Variants in PRKCA observed in about 807,000 individuals in gnomAD.
PRKCA encodes the protein protein kinase C alpha, also known as protein kinase C alpha type.
In PRKCA, 27 loss-of-function variants were observed where a neutral mutation model predicts 87.0. The ratio of observed to expected loss-of-function variants is 0.31; its 90% CI spans 0.23 to 0.43. The LOEUF is 0.43. PRKCA is among the 20% of genes least tolerant of loss of function. PRKCA has a pLI of 1.00. For synonymous variants in PRKCA, 329 were observed against 311.1 expected (o/e 1.06, Z -0.61); for missense variants, 518 against 852.3 (o/e 0.61, Z 4.88).
chr17:66,427,074 C>T (rs1280291190), intron 2 of PRKCA, among the ~76,000 whole-genome samples: 1 of 152,130 alleles, frequency 6.6e-6, no homozygotes, highest in South Asian at 2.1e-4. Flanking sequence ...CTTGCTCTGT[C>T]TTCCAGGAGC....
intron 13 of PRKCA, among the ~76,000 whole-genome samples, chr17:66,745,937 C>T (rs145972534): frequency 1.2e-3 from 179 of 152,234 alleles, no homozygotes; most frequent in African/African-American, 4.1e-3. Context: ...CAGCACTCTG[C>T]GTGCTTACTG....
chr17:66,555,169 C>G (rs370236159), intron 3 of PRKCA, among the ~76,000 whole-genome samples: 1 of 152,204 alleles, frequency 6.6e-6, no homozygotes, highest in Non-Finnish European at 1.5e-5. Context: ...TGAGCCACCA[C>G]GCCCAGCCAG....
chr17:66,696,916 C>T (rs1291591006), intron 8 of PRKCA, among the ~76,000 whole-genome samples: 2 of 152,168 alleles, frequency 1.3e-5, no homozygotes, highest in Non-Finnish European at 2.9e-5. Context: ...TCTGAGAGAC[C>T]TGCCTTTTGT....
chr17:66,609,956 A>T (rs776331697), intron 3 of PRKCA, among the ~76,000 whole-genome samples: 1 of 152,118 alleles, frequency 6.6e-6, no homozygotes, highest in Non-Finnish European at 1.5e-5. Flanking sequence ...AGCAGACACC[A>T]ACCGGGTGTC....
intron 3 of PRKCA, among the ~76,000 whole-genome samples, chr17:66,602,639 T>G (rs969007774): frequency 6.6e-6 from 1 of 152,200 alleles, no homozygotes; most frequent in Non-Finnish European, 1.5e-5. Flanking sequence ...AAAATATGTA[T>G]TATGAGGGAT....
At chr17:66,426,446 A>G (rs191158371) in intron 2 of PRKCA, among the ~76,000 whole-genome samples, 16 of 152,326 alleles carry the variant, frequency 1.1e-4, no homozygotes, top group Admixed American at 3.3e-4. Flanking sequence ...GGTTGTGTCA[A>G]TGGTCCAGGG....
chr17:66,627,436 G>A (rs148618511), intron 3 of PRKCA, among the ~76,000 whole-genome samples: 2 of 152,256 alleles, frequency 1.3e-5, no homozygotes, highest in Non-Finnish European at 2.9e-5. Context: ...GTTGTTTAAA[G>A]AAAAGGAGGG....
chr17:66,365,561 T>A (rs890580913), intron 2 of PRKCA, among the ~76,000 whole-genome samples: 1 of 152,196 alleles, frequency 6.6e-6, no homozygotes, highest in Non-Finnish European at 1.5e-5. Flanking sequence ...TAGTTACTTA[T>A]AGGCAGCTAT....
chr17:66,798,423 T>TGGTGACGGTGGTGAC (rs1975732440), intron 16 of PRKCA, among the ~76,000 whole-genome samples: 3 of 119,360 alleles, frequency 2.5e-5, no homozygotes, highest in African/African-American at 1.1e-4. Flanking sequence ...ATGGTGGTGG[T>TGGTGACGGTGGTGAC]GGTGGTGGTG....
chr17:66,482,118 GAAA>G (rs1161026388), intron 2 of PRKCA, among the ~76,000 whole-genome samples: 1,251 of 114,502 alleles, frequency 0.011, 24 homozygotes, highest in African/African-American at 0.039. Flanking sequence ...AAAAAAAAAA[GAAA>G]AAAAGAAAAA....
At chr17:66,336,528 T>A (rs1469013643) in intron 2 of PRKCA, among the ~76,000 whole-genome samples, 2 of 152,166 alleles carry the variant, frequency 1.3e-5, no homozygotes, top group Non-Finnish European at 2.9e-5. Flanking sequence ...CCATTTGTAT[T>A]TTTTCTTATA....
intron 5 of PRKCA, chr17:66,677,006 G>C (rs1019486336): frequency 9.2e-5 from 14 of 152,236 alleles, no homozygotes; most frequent in African/African-American, 3.4e-4. Flanking sequence ...GTGTTGGTGG[G>C]GTAGTGTTTG....
intron 13 of PRKCA, among the ~76,000 whole-genome samples, chr17:66,756,000 G>A (rs1243061993): frequency 6.6e-6 from 1 of 152,152 alleles, no homozygotes; most frequent in Non-Finnish European, 1.5e-5. Context: ...TAGTGCTGGG[G>A]TGCAAAAACC....
At chr17:66,606,286 G>C (rs1970207443) in intron 3 of PRKCA, among the ~76,000 whole-genome samples, 1 of 152,166 alleles carries the variant, frequency 6.6e-6, no homozygotes, top group African/African-American at 2.4e-5. Context: ...TACTCGGGAG[G>C]CTGAGGCAGG....
At chr17:66,635,428 G>A (rs531869390) in intron 3 of PRKCA, among the ~76,000 whole-genome samples, 7 of 152,272 alleles carry the variant, frequency 4.6e-5, no homozygotes, top group Admixed American at 2.0e-4. Context: ...CCAGGCTGGC[G>A]CCACATTTTG....
chr17:66,650,222 A>C (rs1444751700), intron 5 of PRKCA, among the ~76,000 whole-genome samples: 1 of 152,086 alleles, frequency 6.6e-6, no homozygotes, highest in African/African-American at 2.4e-5. Context: ...CAGGATGGAA[A>C]CCTCCGTTTG....
At chr17:66,358,770 C>A (rs570464952) in intron 2 of PRKCA, among the ~76,000 whole-genome samples, 2 of 152,008 alleles carry the variant, frequency 1.3e-5, no homozygotes, top group Non-Finnish European at 2.9e-5. Flanking sequence ...ATTGCTGATT[C>A]ATTTAATGAT....
At chr17:66,608,983 C>G (rs1345028807) in intron 3 of PRKCA, among the ~76,000 whole-genome samples, 1 of 152,214 alleles carries the variant, frequency 6.6e-6, no homozygotes. Flanking sequence ...CAGGTGAGAA[C>G]AGGAAGGCGA....
intron 5 of PRKCA, among the ~76,000 whole-genome samples, chr17:66,671,084 G>C (rs568091488): frequency 6.6e-6 from 1 of 151,184 alleles, no homozygotes; most frequent in African/African-American, 2.4e-5. Flanking sequence ...GGTGGTGTGC[G>C]CCTGTAATCC....
Sources: allele counts gnomAD v4.1 joint callset (sites outside exome capture counted in the v4.1 genomes callset), GRCh38; gene constraint gnomAD v4.1.1; transcripts MANE v1.5; gene names NCBI Gene and HGNC (gene_info 2026-07-23, HGNC 2026-07-21).